Variants in SLC35F1 observed in about 807,000 individuals in gnomAD.
SLC35F1 encodes solute carrier family 35 member F1.
In SLC35F1, 14 loss-of-function variants were observed where a neutral mutation model predicts 48.7. That is an observed-to-expected ratio of 0.29 (90% CI 0.19 to 0.45). The LOEUF is 0.45. Ranked by LOEUF, SLC35F1 falls within the 20% of genes least tolerant of loss-of-function variation. The pLI, the probability that SLC35F1 is intolerant of heterozygous loss-of-function variation, is 1.00. For synonymous variants in SLC35F1, 190 were observed against 202.2 expected (o/e 0.94, Z 0.51); for missense variants, 404 against 500.0 (o/e 0.81, Z 1.83).
chr6:118,039,808 G>GTTTT (rs201281915), intron 1 of SLC35F1, among the ~76,000 whole-genome samples: 2 of 119,208 alleles, frequency 1.7e-5, no homozygotes, highest in Admixed American at 9.2e-5. Context: ...TGTTTTTTTT[G>GTTTT]TTTTTTTTTT....
chr6:118,161,819 C>T (rs945323845), intron 2 of SLC35F1, among the ~76,000 whole-genome samples: 1 of 152,170 alleles, frequency 6.6e-6, no homozygotes, highest in Non-Finnish European at 1.5e-5. Context: ...AAATATCATG[C>T]TGGGAAATTG....
intron 2 of SLC35F1, among the ~76,000 whole-genome samples, chr6:118,225,793 A>G (rs1466354030): frequency 1.3e-5 from 2 of 151,472 alleles, no homozygotes; most frequent in African/African-American, 4.9e-5. Flanking sequence ...GGAGAATGGC[A>G]TGAACCCGGG....
chr6:118,173,825 T>C (rs989721690), intron 2 of SLC35F1, among the ~76,000 whole-genome samples: 1 of 151,996 alleles, frequency 6.6e-6, no homozygotes, highest in African/African-American at 2.4e-5. Flanking sequence ...CAAAGAGAAG[T>C]CTCAAAAGCC....
intron 1 of SLC35F1, among the ~76,000 whole-genome samples, chr6:118,044,411 C>T (rs902773775): frequency 6.6e-6 from 1 of 152,144 alleles, no homozygotes; most frequent in Non-Finnish European, 1.5e-5. Flanking sequence ...TCTCTGAACT[C>T]TTGGCATCTG....
intron 1 of SLC35F1, among the ~76,000 whole-genome samples, chr6:118,102,296 A>C (rs1326685076): frequency 6.6e-6 from 1 of 151,874 alleles, no homozygotes; most frequent in African/African-American, 2.4e-5. Context: ...CAATCTTCCC[A>C]CCTCAGCCTC....
At chr6:117,917,206 G>A (rs891108652) in intron 1 of SLC35F1, among the ~76,000 whole-genome samples, 7 of 152,066 alleles carry the variant, frequency 4.6e-5, no homozygotes, top group African/African-American at 1.7e-4. Context: ...ATGCTAAGAT[G>A]AAACAAGTCT....
intron 1 of SLC35F1, among the ~76,000 whole-genome samples, chr6:117,922,597 A>G (rs1189061659): frequency 6.6e-6 from 1 of 152,204 alleles, no homozygotes; most frequent in Non-Finnish European, 1.5e-5. Flanking sequence ...TATTTTAGTA[A>G]TCAACTTGAT....
At chr6:118,060,415 T>C (rs1395656976) in intron 1 of SLC35F1, among the ~76,000 whole-genome samples, 1 of 151,894 alleles carries the variant, frequency 6.6e-6, no homozygotes, top group Non-Finnish European at 1.5e-5. Flanking sequence ...TTTAAATATG[T>C]ATATAAATAT....
intron 2 of SLC35F1, among the ~76,000 whole-genome samples, chr6:118,169,743 T>G (rs1219274197): frequency 6.6e-6 from 1 of 152,094 alleles, no homozygotes. Flanking sequence ...ATTTATGACA[T>G]AAATTGAAAT....
chr6:118,070,863 A>C (rs1772693317), intron 1 of SLC35F1, among the ~76,000 whole-genome samples: 1 of 134,004 alleles, frequency 7.5e-6, no homozygotes, highest in Non-Finnish European at 1.6e-5. Context: ...CACATAGGAT[A>C]TATATACTAT....
At chr6:118,071,830 A>C (rs984175264) in intron 1 of SLC35F1, among the ~76,000 whole-genome samples, 4 of 152,122 alleles carry the variant, frequency 2.6e-5, no homozygotes, top group Admixed American at 6.5e-5. Context: ...CTGCTTCTCC[A>C]GTTCTTCCCC....
chr6:118,066,210 A>C (rs1002676256), intron 1 of SLC35F1, among the ~76,000 whole-genome samples: 4 of 152,224 alleles, frequency 2.6e-5, no homozygotes, highest in African/African-American at 9.6e-5. Flanking sequence ...CTAATATTTA[A>C]ATCATTTAAC....
At chr6:118,261,670 G>A (rs1775713980) in intron 3 of SLC35F1, among the ~76,000 whole-genome samples, 1 of 152,084 alleles carries the variant, frequency 6.6e-6, no homozygotes, top group Non-Finnish European at 1.5e-5. Context: ...ACTTCCAAGG[G>A]GGTTTTGCAG....
chr6:118,151,938 C>T (rs1316197242), intron 1 of SLC35F1, among the ~76,000 whole-genome samples: 1 of 152,092 alleles, frequency 6.6e-6, no homozygotes, highest in African/African-American at 2.4e-5. Flanking sequence ...GCCTCCTCTG[C>T]ACTGTCTTTG....
intron 3 of SLC35F1, among the ~76,000 whole-genome samples, chr6:118,241,578 C>T (rs1353495391): frequency 6.8e-6 from 1 of 147,278 alleles, no homozygotes; most frequent in Non-Finnish European, 1.5e-5. Flanking sequence ...TTTTTACCTT[C>T]GTGTGTGTGT....
intron 1 of SLC35F1, among the ~76,000 whole-genome samples, chr6:117,971,074 C>T (rs148535708): frequency 8.0e-4 from 122 of 152,292 alleles, no homozygotes; most frequent in Non-Finnish European, 9.4e-4. Context: ...CCTCCACCTA[C>T]GCGCCTGTAA....
Position 118,314,308 on chromosome 6 carries a change from A to G in SLC35F1, c.*56A>G. 2 of 1,494,050 alleles carry G rather than the reference A, an allele frequency of 1.3e-6. No individual in the cohort carries two copies. The highest frequency in any genetic ancestry group is 1.9e-6 in the Non-Finnish European group (2 of 1,074,502). 92.5% of individuals were successfully genotyped at this position (1,494,050 alleles called of 1,614,324 possible). A position where few individuals can be genotyped will look rare whatever the true frequency, so the allele number is the denominator to read the frequency against. On this transcript the variant is annotated 3_prime_UTR_variant, in exon 8 of 8. Coordinates refer to ENST00000360388, the MANE Select transcript of SLC35F1 (RefSeq NM_001029858.4). The stretch of plus-strand genomic sequence containing the variant: ...CTCATTGGCCATGTTTTTGCCCATC[A>G]TCTCTGTATTGTACATAGAGAAAGG...
At chr6:117,952,110 A>G (rs895415157) in intron 1 of SLC35F1, among the ~76,000 whole-genome samples, 1 of 152,186 alleles carries the variant, frequency 6.6e-6, no homozygotes, top group African/African-American at 2.4e-5. Context: ...TTGACAGAAC[A>G]ATAGCTTCCA....
intron 3 of SLC35F1, among the ~76,000 whole-genome samples, chr6:118,245,231 T>A (rs1775492322): frequency 6.6e-6 from 1 of 152,142 alleles, no homozygotes; most frequent in Admixed American, 6.5e-5. Context: ...TAAGTAGCAG[T>A]AGGTGGAGGG....
Sources: gnomAD v4.1 joint callset for allele counts (sites outside exome capture counted in the v4.1 genomes callset) on GRCh38, gnomAD v4.1.1 for gene constraint, MANE v1.5 for transcripts, NCBI Gene and HGNC (gene_info 2026-07-23, HGNC 2026-07-21) for gene names.